CAPN14: variants seen among roughly 807,000 people sequenced by gnomAD.
CAPN14 encodes calpain-14.
A neutral mutation model predicts 101.3 loss-of-function variants in CAPN14; 94 were observed. The observed-to-expected ratio is 0.93, with a 90% CI of 0.79 to 1.10. The LOEUF is 1.10. Ranked by LOEUF, CAPN14 falls within the 50% of genes least tolerant of loss-of-function variation. The pLI, the probability that CAPN14 is intolerant of heterozygous loss-of-function variation, is 0.00. For synonymous variants in CAPN14, 338 were observed against 317.9 expected (o/e 1.06, Z -0.67); for missense variants, 837 against 828.4 (o/e 1.01, Z -0.13).
chr2:31,178,415 A>G, intron 18 of CAPN14, 96 bp downstream of exon 18: 1 of 913,494 alleles, frequency 1.1e-6, no homozygotes, highest in Non-Finnish European at 1.7e-6. Context: ...AGGTGGATAT[A>G]AAGGGCTGAA....
rs374003314 is a variant in CAPN14 at position 31,201,140 on chromosome 2, CGT to C, written c.552-517_552-516del. On this transcript the variant is annotated intron_variant, in intron 5 of 21. Coordinates refer to ENST00000403897, the MANE Select transcript of CAPN14 (RefSeq NM_001145122.2). ...GTGTGTGCATGTGTGTATGTGTGGA[CGT>C]GTGTGTGTGCATGTGCGTATGTGTG... Among the ~76,000 whole-genome samples, 1,134 of 122,274 alleles carry C rather than the reference CGT, an allele frequency of 9.3e-3. 17 individuals carry two copies. Among genetic ancestry groups the C allele is most frequent in the African/African-American group, 0.033 (1,078 of 32,232 alleles). 80.2% of individuals were successfully genotyped at this position (122,274 alleles called of 152,430 possible). A position where few individuals can be genotyped will look rare whatever the true frequency, so the allele number is the denominator to read the frequency against.
At chr2:31,194,544 G>A (rs1244243871) in intron 8 of CAPN14, 61 bp from the exon 9 acceptor site, 21 of 1,093,212 alleles carry the variant, frequency 1.9e-5, no homozygotes, top group Non-Finnish European at 2.6e-5. Context: ...CTTTAGTAAA[G>A]GCTCTATAGT....
chr2:31,188,082 G>A (rs1446055116), intron 14 of CAPN14, among the ~76,000 whole-genome samples: 1 of 152,208 alleles, frequency 6.6e-6, no homozygotes, highest in Non-Finnish European at 1.5e-5. Flanking sequence ...ATACTGCCGG[G>A]GTTCTGGACC....
At chr2:31,204,435 A>G (rs1270549864) in intron 2 of CAPN14, among the ~76,000 whole-genome samples, 1 of 152,144 alleles carries the variant, frequency 6.6e-6, no homozygotes, top group African/African-American at 2.4e-5. Flanking sequence ...GTCCCTAGGT[A>G]GCTTCAGGAT....
At chr2:31,198,262 C>T (rs6750359) in intron 7 of CAPN14, among the ~76,000 whole-genome samples, 30,263 of 152,086 alleles carry the variant, frequency 0.2, 3,352 homozygotes, top group East Asian at 0.37. Flanking sequence ...CCTCCCTGCT[C>T]CGAGTTGTCC....
In CAPN14 at chr2:31,205,208, C is replaced by G. The variant is rs1572424083; in HGVS notation, c.225+15G>C. ...CCTGGGGAAGGAGGGTCTGGGCTGA[C>G]ACATTTTGCCTCACCGGGGGCCTCT... is the stretch of plus-strand genomic sequence containing the variant. On this transcript the variant is annotated intron_variant, in intron 2 of 21. Coordinates refer to ENST00000403897, the MANE Select transcript of CAPN14 (RefSeq NM_001145122.2). The G allele has an allele frequency of 1.3e-6, 2 of 1,548,618 alleles. No homozygotes were observed. Among genetic ancestry groups the G allele is most frequent in the East Asian group, 2.4e-5 (1 of 40,900 alleles).
At chr2:31,195,236 G>T (rs1486131095) in intron 8 of CAPN14, among the ~76,000 whole-genome samples, 1 of 152,196 alleles carries the variant, frequency 6.6e-6, no homozygotes, top group Non-Finnish European at 1.5e-5. Context: ...GCTTTAATCT[G>T]TGCTTTCTGA....
rs1466902064 is a variant in CAPN14 at position 31,177,071 on chromosome 2, A to T, written c.1927T>A (p.Phe643Ile). 1 of 1,551,572 alleles carries T rather than the reference A, an allele frequency of 6.4e-7. No individual in the cohort carries two copies. Among genetic ancestry groups the T allele is most frequent in the South Asian group, 1.2e-5 (1 of 84,028 alleles). Reference protein sequence around the residue: ...RYGGPRLQMDFVSFIHLMLRV... With the variant: ...RYGGPRLQMDIVSFIHLMLRV... ...AGCATCAAGTGGATGAAACTGACAAAGTCCATCTGGAGGCGGGGGCCGCCG... is the reference window on the plus strand; with the variant it reads ...AGCATCAAGTGGATGAAACTGACAATGTCCATCTGGAGGCGGGGGCCGCCG... Residue 643 changes from phenylalanine to isoleucine, a missense_variant, in exon 20 of 22, where the codon TTT becomes ATT. Coordinates refer to ENST00000403897, the MANE Select transcript of CAPN14 (RefSeq NM_001145122.2).
At chr2:31,182,538 A>G (rs1170178999) in intron 16 of CAPN14, among the ~76,000 whole-genome samples, 4 of 129,066 alleles carry the variant, frequency 3.1e-5, no homozygotes, top group Non-Finnish European at 6.2e-5. Flanking sequence ...TTATACACCA[A>G]TAACAGACAA....
At chr2:31,231,501 T>C (rs1683190492) in intron 1 of CAPN14, among the ~76,000 whole-genome samples, 1 of 152,254 alleles carries the variant, frequency 6.6e-6, no homozygotes, top group Non-Finnish European at 1.5e-5. Flanking sequence ...CACAGTATCT[T>C]TTTTGAATAT....
In CAPN14 at chr2:31,177,160, T is replaced by C; in HGVS notation, c.1856-18A>G. ...CATGATTCCTGCATTGAGCACAAGC[T>C]CCTGCTGTGGGTATTGGGGGCTTGC... is the stretch of plus-strand genomic sequence containing the variant. On this transcript the variant is annotated intron_variant, in intron 19 of 21. Transcript: ENST00000403897. The C allele has an allele frequency of 6.5e-7, 1 of 1,533,398 alleles. No homozygotes were observed. Among genetic ancestry groups the C allele is most frequent in the Non-Finnish European group, 8.8e-7 (1 of 1,131,614 alleles). The allele number at this position is 1,533,398 out of a possible 1,614,324, so 95.0% of individuals were successfully genotyped here.
intron 1 of CAPN14, among the ~76,000 whole-genome samples, chr2:31,210,881 A>C (rs1160308959): frequency 6.6e-6 from 1 of 152,178 alleles, no homozygotes; most frequent in African/African-American, 2.4e-5. Flanking sequence ...GGTCAACCAA[A>C]ATTTATTTTT....
At chr2:31,178,679 G>A (rs1680435539) in intron 17 of CAPN14, 100 bp from the exon 18 acceptor site, 1 of 756,014 alleles carries the variant, frequency 1.3e-6, no homozygotes, top group Non-Finnish European at 2.1e-6. Flanking sequence ...TTTGTGGATG[G>A]CCTCATTCAA....
intron 1 of CAPN14, among the ~76,000 whole-genome samples, chr2:31,214,244 C>T (rs1472329037): frequency 1.3e-5 from 2 of 152,154 alleles, no homozygotes; most frequent in Non-Finnish European, 2.9e-5. Flanking sequence ...AACAATAAAG[C>T]GTGCCCTCCC....
At chr2:31,196,599 T>C (rs574749195) in intron 8 of CAPN14, among the ~76,000 whole-genome samples, 6 of 152,314 alleles carry the variant, frequency 3.9e-5, no homozygotes, top group South Asian at 2.1e-4. Flanking sequence ...TTAAGTATTA[T>C]ACATCTTCAT....
Position 31,201,881 on chromosome 2 carries a change from G to T in CAPN14, c.532C>A (p.Leu178Met). The T allele has an allele frequency of 1.9e-6, 3 of 1,551,766 alleles. No homozygotes were observed. Among genetic ancestry groups the T allele is most frequent in the African/African-American group, 2.7e-5 (2 of 73,194 alleles). The stretch of plus-strand genomic sequence containing the variant: ...TCTTACTTGGCATAGGCCTTTTCCA[G>T]AAGTGCTCCCCAGAACAAGTTCTTA... ...TYKNLFWGALLEKAYAKLSGS... is the reference protein window; with the variant it reads ...TYKNLFWGALMEKAYAKLSGS... The change falls in exon 5 of 22, where the codon CTG becomes ATG. Residue 178 changes from leucine (L) to methionine (M), a missense_variant. Coordinates refer to ENST00000403897, the MANE Select transcript of CAPN14 (RefSeq NM_001145122.2).
intron 1 of CAPN14, among the ~76,000 whole-genome samples, chr2:31,232,511 T>C (rs1683224640): frequency 6.6e-6 from 1 of 152,202 alleles, no homozygotes; most frequent in Non-Finnish European, 1.5e-5. Flanking sequence ...TTTAATTAAC[T>C]CACAGTTCTG....
At chr2:31,191,263 G>A in intron 12 of CAPN14, 136 bp downstream of exon 12, 1 of 860,096 alleles carries the variant, frequency 1.2e-6, no homozygotes, top group Non-Finnish European at 1.8e-6. Flanking sequence ...GCAGCGGGCA[G>A]ACATTCTCAT....
rs1680385339 is a variant in CAPN14 at position 31,177,818 on chromosome 2, C to T, written c.1783G>A (p.Val595Ile). The T allele has an allele frequency of 4.5e-6, 7 of 1,551,632 alleles. No homozygotes were observed. The East Asian group carries it at 1.5e-4, about 32-fold the overall frequency. Reference protein sequence around the residue: ...LWKQLKLSQKVFHKQDRGSGY... With the variant: ...LWKQLKLSQKIFHKQDRGSGY... ...GACCCACGGTCTTGCTTGTGGAAAACCTTCTGCAAAGAACCAAATAAGAGG... is the reference window on the plus strand; with the variant it reads ...GACCCACGGTCTTGCTTGTGGAAAATCTTCTGCAAAGAACCAAATAAGAGG... Residue 595 changes from valine to isoleucine, a missense_variant, in exon 19 of 22, where the codon GTT becomes ATT. By Grantham distance (29) the Val-to-Ile change is conservative (BLOSUM62 3). Coordinates refer to ENST00000403897, the MANE Select transcript of CAPN14 (RefSeq NM_001145122.2).
Sources: gnomAD v4.1 joint callset for allele counts (sites outside exome capture counted in the v4.1 genomes callset) on GRCh38, gnomAD v4.1.1 for gene constraint, MANE v1.5 for transcripts, NCBI Gene and HGNC (gene_info 2026-07-23, HGNC 2026-07-21) for gene names.